LRRTM4: variants seen among roughly 807,000 people sequenced by gnomAD.
The protein encoded by LRRTM4 is leucine rich repeat transmembrane neuronal 4.
A neutral mutation model predicts 47.6 loss-of-function variants in LRRTM4; 25 were observed. The ratio of observed to expected loss-of-function variants is 0.53; its 90% confidence interval spans 0.38 to 0.73. The LOEUF is 0.73. LRRTM4 is among the 30% of genes least tolerant of loss of function. LRRTM4 has a pLI of 0.00. For synonymous variants in LRRTM4, 311 were observed against 269.5 expected, an observed-to-expected ratio of 1.15 and a Z score of -1.51; for missense variants, 638 against 713.4, an observed-to-expected ratio of 0.89 and a Z score of 1.20.
chr2:77,089,846 GT>G (rs1230675162), intron 3 of LRRTM4, among the ~76,000 whole-genome samples: 1 of 152,112 alleles, frequency 6.6e-6, no homozygotes, highest in Non-Finnish European at 1.5e-5. Context: ...AATAATTCTT[GT>G]CGTAAAATAG....
rs146340602 is a variant in LRRTM4, at chr2:77,333,507, G to A, written c.1551+184811C>T. ...TTGTTATGTTTTAGCAAAGAGACTGGTGGCATTTTGACCCTGTCCTAGGGT... is the reference window on the plus strand; with the variant it reads ...TTGTTATGTTTTAGCAAAGAGACTGATGGCATTTTGACCCTGTCCTAGGGT... On this transcript the variant is annotated intron_variant, in intron 3 of 3. Coordinates refer to ENST00000409884, the MANE Select transcript of LRRTM4 (RefSeq NM_001134745.3). 1.5e-3 allele frequency among the ~76,000 whole-genome samples: 232 copies of A among 152,322 alleles called. 1 individual carries two copies. The highest frequency in any genetic ancestry group is 5.2e-3 in the African/African-American group (218 of 41,564).
intron 3 of LRRTM4, among the ~76,000 whole-genome samples, chr2:77,508,348 C>A (rs529176188): frequency 6.6e-6 from 1 of 152,176 alleles, no homozygotes; most frequent in Admixed American, 6.6e-5. Flanking sequence ...AGAGTAAGGG[C>A]TCGTAGAGGA....
intron 3 of LRRTM4, among the ~76,000 whole-genome samples, chr2:76,971,633 A>G (rs1040113125): frequency 6.6e-6 from 1 of 152,070 alleles, no homozygotes; most frequent in African/African-American, 2.4e-5. Flanking sequence ...TGGAGCAAGC[A>G]TGGGTGGTAA....
chr2:77,238,593 G>T (rs1675174612), intron 3 of LRRTM4, among the ~76,000 whole-genome samples: 1 of 151,986 alleles, frequency 6.6e-6, no homozygotes, highest in Non-Finnish European at 1.5e-5. Context: ...TGGGTAAACA[G>T]CACGCCGAGA....
At chr2:76,858,689 C>T (rs1672227691) in intron 3 of LRRTM4, among the ~76,000 whole-genome samples, 2 of 152,254 alleles carry the variant, frequency 1.3e-5, no homozygotes, top group East Asian at 1.9e-4. Flanking sequence ...TCTGTAATTG[C>T]AAACTGGTAT....
intron 3 of LRRTM4, among the ~76,000 whole-genome samples, chr2:76,872,283 A>G (rs989910799): frequency 6.6e-6 from 1 of 152,150 alleles, no homozygotes; most frequent in African/African-American, 2.4e-5. Context: ...GATTACAATA[A>G]AACAATATTG....
rs1468041374 is a variant in LRRTM4, at chr2:77,518,812, C to A, written c.1057G>T (p.Ala353Ser). ...GAACAGATATTATATGTTTCCACTG[C>A]ATCACTAACCTTTTCACCCTGGATG... ...KHIQGEKVSD[A>S]VETYNICSEV... Residue 353 changes from alanine to serine, a missense_variant, in exon 3 of 4, where the codon GCA becomes TCA. By Grantham distance (99) the Ala-to-Ser change is moderately conservative (BLOSUM62 1). Transcript: ENST00000409884. 6.2e-7 allele frequency: 1 copy of A among 1,611,616 alleles called. No homozygotes were observed. The highest frequency in any genetic ancestry group is 2.2e-5 in the East Asian group (1 of 44,710).
rs918194119 is a variant in LRRTM4 at position 77,380,601 on chromosome 2, A to G, written c.1551+137717T>C. Among the ~76,000 whole-genome samples the G allele has an allele frequency of 2.0e-5, 3 of 151,988 alleles. No individual in the cohort carries two copies. The East Asian group carries it at 5.8e-4, about 29-fold the overall frequency. On this transcript the variant is annotated intron_variant, in intron 3 of 3. Transcript: ENST00000409884. The stretch of plus-strand genomic sequence containing the variant: ...CACTTGAGGTCAGGAGTTCGAGACC[A>G]TCTGGCCAATATGGTGAAACCCCGT...
chr2:77,032,469 T>C (rs945199672), intron 3 of LRRTM4, among the ~76,000 whole-genome samples: 4 of 152,166 alleles, frequency 2.6e-5, no homozygotes, highest in African/African-American at 9.7e-5. Context: ...CAATACCAAG[T>C]TAGTTTTGTT....
intron 3 of LRRTM4, among the ~76,000 whole-genome samples, chr2:77,209,993 C>T (rs181825015): frequency 6.6e-6 from 1 of 152,308 alleles, no homozygotes; most frequent in African/African-American, 2.4e-5. Context: ...TTATAAAGCT[C>T]TCTGCCTAGA....
At chr2:77,117,756 A>G (rs138057725) in intron 3 of LRRTM4, among the ~76,000 whole-genome samples, 35 of 152,062 alleles carry the variant, frequency 2.3e-4, no homozygotes, top group African/African-American at 8.2e-4. Flanking sequence ...TTTATGGTTT[A>G]TTTTTAATCT....
intron 3 of LRRTM4, among the ~76,000 whole-genome samples, chr2:77,338,848 C>A (rs4574140): frequency 6.6e-6 from 1 of 152,022 alleles, no homozygotes; most frequent in Non-Finnish European, 1.5e-5. Context: ...AGGAATCAAC[C>A]TAAGTGTCTA....
At chr2:76,802,846 G>C (rs934920152) in intron 3 of LRRTM4, among the ~76,000 whole-genome samples, 1 of 152,098 alleles carries the variant, frequency 6.6e-6, no homozygotes, top group African/African-American at 2.4e-5. Flanking sequence ...AATTCACGAT[G>C]GAGAAAGGAC....
At chr2:77,159,579 A>C (rs1672655055) in intron 3 of LRRTM4, among the ~76,000 whole-genome samples, 1 of 151,888 alleles carries the variant, frequency 6.6e-6, no homozygotes, top group East Asian at 1.9e-4. Flanking sequence ...TATATTTACT[A>C]TTCATTAAAT....
intron 3 of LRRTM4, among the ~76,000 whole-genome samples, chr2:77,132,400 G>A (rs781700772): frequency 3.3e-5 from 5 of 152,124 alleles, no homozygotes; most frequent in Non-Finnish European, 5.9e-5. Context: ...TCTATTGATG[G>A]ACACTTAGGT....
intron 3 of LRRTM4, among the ~76,000 whole-genome samples, chr2:76,980,765 G>T (rs116127534): frequency 0.013 from 1,909 of 152,174 alleles, 40 homozygotes; most frequent in African/African-American, 0.044. Flanking sequence ...TTGAAACTTA[G>T]ATGTCAAGAA....
At chr2:77,248,964 AT>A (rs1203779149) in intron 3 of LRRTM4, among the ~76,000 whole-genome samples, 1 of 152,200 alleles carries the variant, frequency 6.6e-6, no homozygotes, top group African/African-American at 2.4e-5. Context: ...ATAGAAGAAA[AT>A]TTAGATGAAC....
chr2:76,845,038 C>T (rs759019526), intron 3 of LRRTM4, among the ~76,000 whole-genome samples: 2 of 152,062 alleles, frequency 1.3e-5, no homozygotes, highest in Admixed American at 6.6e-5. Context: ...CCTAAAGCTT[C>T]CTTTATCTTA....
In LRRTM4 at chr2:76,967,248, G is replaced by T. The variant is rs569166394; in HGVS notation, c.1552-218332C>A. 3.3e-5 allele frequency among the ~76,000 whole-genome samples: 5 copies of T among 150,194 alleles called. No individual in the cohort carries two copies. The East Asian group carries it at 9.9e-4, about 30-fold the overall frequency. On this transcript the variant is annotated intron_variant, in intron 3 of 3. Coordinates refer to ENST00000409884, the MANE Select transcript of LRRTM4 (RefSeq NM_001134745.3). ...GTGGATTTATTCCAGACACCTCCCT[G>T]AGTTTCATGCTCAATCAGTCAGAAA... is the stretch of plus-strand genomic sequence containing the variant.
Sources: gnomAD v4.1 joint callset for allele counts (sites outside exome capture counted in the v4.1 genomes callset) on GRCh38, gnomAD v4.1.1 for gene constraint, MANE v1.5 for transcripts, NCBI Gene and HGNC (gene_info 2026-07-23, HGNC 2026-07-21) for gene names.